The following DPP10 variants were observed in gnomAD, a reference collection of about 807,000 sequenced individuals.
DPP10 encodes inactive dipeptidyl peptidase 10.
In DPP10, 33 loss-of-function variants were observed where a neutral mutation model predicts 120.9. That is an observed-to-expected ratio of 0.27 (90% CI 0.21 to 0.37). DPP10 has a LOEUF of 0.37. Among genes scored for constraint, DPP10 ranks in the 10% least tolerant of loss-of-function variants. The probability of loss-of-function intolerance (pLI) is 1.00; values close to 1 mark genes in which losing one functional copy is unlikely to be tolerated. For missense variants in DPP10, 816 were observed against 942.8 expected (o/e 0.87, Z 1.76); for synonymous variants, 337 against 326.1 (o/e 1.03, Z -0.36).
At chr2:114,675,311 T>A (rs7588610) in intron 1 of DPP10, among the ~76,000 whole-genome samples, 16,122 of 151,994 alleles carry the variant, frequency 0.11, 941 homozygotes, top group African/African-American at 0.14. Flanking sequence ...TCTGATTTTT[T>A]AAAAAAATGA....
intron 1 of DPP10, among the ~76,000 whole-genome samples, chr2:114,802,427 G>A (rs143255743): frequency 8.5e-4 from 129 of 152,236 alleles, no homozygotes; most frequent in African/African-American, 2.9e-3. Flanking sequence ...TGGATAATTA[G>A]CCTCTTGTAT....
rs575740075 is a variant in DPP10, at chr2:115,456,398, G to A, written c.272-43112G>A. 2.4e-4 allele frequency among the ~76,000 whole-genome samples: 36 copies of A among 152,320 alleles called. No homozygotes were observed. In the South Asian group the frequency reaches 5.4e-3, roughly 23 times the overall value. On this transcript the variant is annotated intron_variant, in intron 3 of 25. Transcript: ENST00000410059. ...TAGTTAAACCATTGTGGAAGACAGT[G>A]TGGTGATTCCTCAAGGATCTAGAAC...
chr2:114,668,472 T>C (rs1343085749), intron 1 of DPP10, among the ~76,000 whole-genome samples: 2 of 152,188 alleles, frequency 1.3e-5, no homozygotes, highest in Non-Finnish European at 2.9e-5. Context: ...CTGATTCAAA[T>C]GCTAACTTCT....
At chr2:114,509,327 C>T (rs1398560592) in intron 1 of DPP10, among the ~76,000 whole-genome samples, 4 of 152,226 alleles carry the variant, frequency 2.6e-5, no homozygotes, top group Non-Finnish European at 5.9e-5. Flanking sequence ...TCCTAACTAC[C>T]TACCTACTTT....
intron 1 of DPP10, among the ~76,000 whole-genome samples, chr2:115,222,949 T>C (rs1391181123): frequency 1.3e-5 from 2 of 152,184 alleles, no homozygotes; most frequent in East Asian, 3.8e-4. Flanking sequence ...GGTCTTAGGA[T>C]TGGATAATCA....
rs190390200 is a variant in DPP10 at position 114,591,514 on chromosome 2, T to C, written c.60+148676T>C. On this transcript the variant is annotated intron_variant, in intron 1 of 25. Coordinates refer to ENST00000410059, the MANE Select transcript of DPP10 (RefSeq NM_020868.6). ...AAGTGAGAGTTTTTCCACCCAGCCA[T>C]CCAGATTTAGAAGGCTCAGAATGTA... is the stretch of plus-strand genomic sequence containing the variant. 1.3e-3 allele frequency among the ~76,000 whole-genome samples: 202 copies of C among 151,792 alleles called. 1 individual carries two copies. The highest frequency in any genetic ancestry group is 0.01 in the Middle Eastern group (3 of 292).
At chr2:115,816,341 C>T (rs1382466047) in intron 21 of DPP10, among the ~76,000 whole-genome samples, 1 of 152,074 alleles carries the variant, frequency 6.6e-6, no homozygotes, top group Non-Finnish European at 1.5e-5. Flanking sequence ...ATATTTAAAC[C>T]TATACCTAAA....
intron 3 of DPP10, among the ~76,000 whole-genome samples, chr2:115,393,744 G>A (rs2067479773): frequency 6.6e-6 from 1 of 152,196 alleles, no homozygotes; most frequent in South Asian, 2.1e-4. Context: ...CATTAAAGAG[G>A]TAGATCAAAT....
intron 1 of DPP10, among the ~76,000 whole-genome samples, chr2:114,687,347 G>C (rs1319540559): frequency 6.6e-6 from 1 of 151,962 alleles, no homozygotes; most frequent in Admixed American, 6.6e-5. Flanking sequence ...GGTGCTAACA[G>C]TTACTTTAGA....
At chr2:114,688,570 C>T (rs1699521295) in intron 1 of DPP10, among the ~76,000 whole-genome samples, 1 of 151,968 alleles carries the variant, frequency 6.6e-6, no homozygotes, top group African/African-American at 2.4e-5. Flanking sequence ...CTATACTAAG[C>T]TAAATGGCTG....
chr2:114,717,380 A>G (rs996476206), intron 1 of DPP10, among the ~76,000 whole-genome samples: 18 of 152,230 alleles, frequency 1.2e-4, no homozygotes, highest in African/African-American at 4.1e-4. Context: ...GCTATACCAG[A>G]AAAGCTATTT....
At chr2:114,898,788 A>G (rs929074117) in intron 1 of DPP10, among the ~76,000 whole-genome samples, 4 of 152,310 alleles carry the variant, frequency 2.6e-5, no homozygotes, top group Admixed American at 2.0e-4. Context: ...TTTTCTCCAG[A>G]TACATGGTAT....
At chr2:115,204,837 C>T (rs752537076) in intron 1 of DPP10, among the ~76,000 whole-genome samples, 3 of 152,070 alleles carry the variant, frequency 2.0e-5, no homozygotes, top group South Asian at 2.1e-4. Context: ...ATTTGCATTT[C>T]GCTGATTAGT....
At chr2:115,321,975 G>T (rs2062086361) in intron 2 of DPP10, among the ~76,000 whole-genome samples, 1 of 151,984 alleles carries the variant, frequency 6.6e-6, no homozygotes. Context: ...ATTTCCTTCA[G>T]CTCTGTGAGC....
chr2:115,371,955 T>A (rs1332348853), intron 3 of DPP10, among the ~76,000 whole-genome samples: 3 of 152,150 alleles, frequency 2.0e-5, no homozygotes, highest in Non-Finnish European at 4.4e-5. Context: ...GAGTGAGTGT[T>A]CATCTGAGAA....
chr2:115,076,523 A>T (rs1166651221), intron 1 of DPP10, among the ~76,000 whole-genome samples: 1 of 152,164 alleles, frequency 6.6e-6, no homozygotes, highest in Non-Finnish European at 1.5e-5. Flanking sequence ...CTTTTGTTAC[A>T]TAATTATGTA....
intron 11 of DPP10, among the ~76,000 whole-genome samples, chr2:115,759,603 A>G (rs1249597277): frequency 3.9e-5 from 6 of 152,136 alleles, no homozygotes; most frequent in African/African-American, 1.4e-4. Flanking sequence ...TTAAAATAAT[A>G]TTTTAGTTCC....
At chr2:114,583,256 C>A (rs527869783) in intron 1 of DPP10, among the ~76,000 whole-genome samples, 1 of 152,308 alleles carries the variant, frequency 6.6e-6, no homozygotes, top group East Asian at 1.9e-4. Context: ...TGCTAAGTCC[C>A]TGCCTTGTAT....
intron 1 of DPP10, among the ~76,000 whole-genome samples, chr2:114,869,106 G>A (rs114569089): frequency 0.014 from 2,122 of 152,164 alleles, 47 homozygotes; most frequent in African/African-American, 0.049. Flanking sequence ...TATCAATTGA[G>A]GGCTTCAGAG....
Sources: allele counts gnomAD v4.1 joint callset (sites outside exome capture counted in the v4.1 genomes callset), GRCh38; gene constraint gnomAD v4.1.1; transcripts MANE v1.5; gene names NCBI Gene and HGNC (gene_info 2026-07-23, HGNC 2026-07-21).